The following UBR3 variants were observed in gnomAD, a reference collection of about 807,000 sequenced individuals.
UBR3 encodes the protein E3 ubiquitin-protein ligase UBR3.
A neutral mutation model predicts 243.2 loss-of-function variants in UBR3; 85 were observed. That is an observed-to-expected ratio of 0.35 (90% CI 0.29 to 0.42). UBR3 has a LOEUF of 0.42. Ranked by LOEUF, UBR3 falls within the 10% of genes least tolerant of loss-of-function variation. The pLI, the probability that UBR3 is intolerant of heterozygous loss-of-function variation, is 1.00. For missense variants in UBR3, 1,686 were observed against 2,300.8 expected, an observed-to-expected ratio of 0.73 and a Z score of 5.47; for synonymous variants, 748 against 799.8, an observed-to-expected ratio of 0.94 and a Z score of 1.09.
intron 26 of UBR3, among the ~76,000 whole-genome samples, chr2:169,996,062 A>T (rs1007115210): frequency 2.0e-5 from 3 of 152,226 alleles, no homozygotes; most frequent in African/African-American, 7.2e-5. Flanking sequence ...CCATAAATCC[A>T]TTGGTTGAAG....
intron 31 of UBR3, 144 bp from the exon 32 acceptor site, chr2:170,040,738 A>G: frequency 3.2e-6 from 2 of 634,160 alleles, no homozygotes; most frequent in Admixed American, 3.3e-5. Flanking sequence ...TGCAAAAAAT[A>G]TGACTCCTAA....
chr2:169,912,569 T>C lies in UBR3; in HGVS notation c.1780-1491T>C, dbSNP rs147058476. On this transcript the variant is annotated intron_variant, in intron 10 of 38. Transcript: ENST00000272793. ...TTCCTTTGTCTGGCTAATATTTCAT[T>C]GTATGGATATACAACATTTCATTTG... 5.3e-5 allele frequency among the ~76,000 whole-genome samples: 8 copies of C among 152,350 alleles called. No individual in the cohort carries two copies. In the East Asian group the frequency reaches 1.3e-3, roughly 26 times the overall value.
intron 1 of UBR3, among the ~76,000 whole-genome samples, chr2:169,836,645 A>C (rs1415308055): frequency 1.3e-5 from 2 of 152,004 alleles, no homozygotes; most frequent in Non-Finnish European, 2.9e-5. Flanking sequence ...TTAAAAAAAA[A>C]AAAACCAAAA....
chr2:169,957,670 C>T (rs1435419539), intron 23 of UBR3, among the ~76,000 whole-genome samples: 1 of 151,862 alleles, frequency 6.6e-6, no homozygotes, highest in African/African-American at 2.4e-5. Context: ...ATGTAAGAAA[C>T]CTGTACATTG....
At chr2:170,034,174 G>A (rs536749837) in intron 31 of UBR3, among the ~76,000 whole-genome samples, 1 of 151,898 alleles carries the variant, frequency 6.6e-6, no homozygotes, top group African/African-American at 2.4e-5. Flanking sequence ...AGCCTATATT[G>A]ACATACTATA....
At chr2:170,080,809 AGAGCTATTTCTAGTTTTT>A in intron 38 of UBR3, 125 bp downstream of exon 38, 1 of 1,085,932 alleles carries the variant, frequency 9.2e-7, no homozygotes, top group South Asian at 1.9e-5. Context: ...TCATTAATTT[AGAGCTATTTCTAGTTTTT>A]GAGCTATTGT....
rs1453297016 is a variant in UBR3 at position 170,015,360 on chromosome 2, T to G, written c.4447T>G (p.Cys1483Gly). 3 of 1,611,100 alleles carry G rather than the reference T, an allele frequency of 1.9e-6. No individual in the cohort carries two copies. Among genetic ancestry groups the G allele is most frequent in the Non-Finnish European group, 2.5e-6 (3 of 1,178,488 alleles). The stretch of plus-strand genomic sequence containing the variant: ...TGCAAGCACAGCTGGCAAAAGGTCT[T>G]GTTTAAGTAAGTACTAAATACTGCT... The part of the protein sequence containing the change: ...GGASTAGKRS[C>G]LNQLFHVLAL... Residue 1483 changes from cysteine (C) to glycine (G), a missense_variant, in exon 30 of 39, where the codon TGT (cysteine) becomes GGT (glycine). By Grantham distance (159) the Cys-to-Gly change is radical. Coordinates refer to ENST00000272793, the MANE Select transcript of UBR3 (RefSeq NM_172070.4).
At chr2:169,891,022 A>G in intron 5 of UBR3, 143 bp from the exon 6 acceptor site, 1 of 436,724 alleles carries the variant, frequency 2.3e-6, no homozygotes, top group Non-Finnish European at 4.0e-6. Context: ...ACTAAAATAT[A>G]TATTATAGCA....
chr2:169,944,228 A>G (rs775798392), intron 20 of UBR3, among the ~76,000 whole-genome samples: 1 of 152,206 alleles, frequency 6.6e-6, no homozygotes, highest in African/African-American at 2.4e-5. Flanking sequence ...GCTAGCAAAA[A>G]TCCTTATAAG....
chr2:170,064,904 G>A (rs144833787), intron 35 of UBR3, among the ~76,000 whole-genome samples: 1,708 of 146,744 alleles, frequency 0.012, 38 homozygotes, highest in African/African-American at 0.041. Context: ...GTGCAGTGGC[G>A]CGGTCTCGGC....
chr2:170,023,411 ATT>A (rs35819029), intron 30 of UBR3, among the ~76,000 whole-genome samples: 49 of 146,768 alleles, frequency 3.3e-4, no homozygotes, highest in Non-Finnish European at 3.5e-4. Flanking sequence ...ATTTATGAAA[ATT>A]TTTTTTTTTT....
chr2:169,965,761 A>C (rs2087777016), intron 24 of UBR3, among the ~76,000 whole-genome samples: 1 of 152,080 alleles, frequency 6.6e-6, no homozygotes, highest in Non-Finnish European at 1.5e-5. Context: ...AAAATTTTTG[A>C]ATTGTTTATT....
chr2:169,953,284 G>A (rs899597005), intron 23 of UBR3, among the ~76,000 whole-genome samples: 7 of 152,118 alleles, frequency 4.6e-5, no homozygotes, highest in Non-Finnish European at 1.0e-4. Context: ...GGATCTCACC[G>A]TGCTTCTCAC....
chr2:170,060,008 C>G (rs1368503577), intron 33 of UBR3, among the ~76,000 whole-genome samples: 1 of 152,078 alleles, frequency 6.6e-6, no homozygotes, highest in Non-Finnish European at 1.5e-5. Flanking sequence ...GTAACATGAA[C>G]GAAACAATGA....
At chr2:169,942,880 GA>G (rs2086644401) in intron 20 of UBR3, among the ~76,000 whole-genome samples, 1 of 152,174 alleles carries the variant, frequency 6.6e-6, no homozygotes, top group African/African-American at 2.4e-5. Flanking sequence ...TTTATTTATG[GA>G]TTCTGTAGAA....
chr2:170,081,582 C>T (rs754172908), intron 38 of UBR3, 144 bp from the exon 39 acceptor site: 19 of 469,662 alleles, frequency 4.0e-5, no homozygotes, highest in Admixed American at 2.5e-4. Flanking sequence ...CCCAGCTACT[C>T]GAGAGGCTGA....
chr2:169,967,657 A>T (rs1170430711), intron 24 of UBR3, among the ~76,000 whole-genome samples: 1 of 152,116 alleles, frequency 6.6e-6, no homozygotes, highest in Non-Finnish European at 1.5e-5. Context: ...TTTCCTTTGG[A>T]AAGTAGGAGA....
intron 24 of UBR3, among the ~76,000 whole-genome samples, chr2:169,967,622 A>G (rs559143944): frequency 6.6e-6 from 1 of 152,250 alleles, no homozygotes; most frequent in South Asian, 2.1e-4. Context: ...TACTGGGTGG[A>G]TAAGAACAGC....
At chr2:169,987,325 A>G (rs148856864) in intron 25 of UBR3, among the ~76,000 whole-genome samples, 14,489 of 148,960 alleles carry the variant, frequency 0.097, 1,030 homozygotes, top group Admixed American at 0.18. Flanking sequence ...CCTGGGAGGC[A>G]GAGGTTGCAG....
Sources: gnomAD v4.1 joint callset for allele counts (sites outside exome capture counted in the v4.1 genomes callset) on GRCh38, gnomAD v4.1.1 for gene constraint, MANE v1.5 for transcripts, NCBI Gene and HGNC (gene_info 2026-07-23, HGNC 2026-07-21) for gene names.